Variants in FRMPD1 observed in about 807,000 individuals in gnomAD.
The protein encoded by FRMPD1 is FERM and PDZ domain containing 1.
A neutral mutation model predicts 117.8 loss-of-function variants in FRMPD1; 76 were observed. The observed-to-expected ratio is 0.65, with a 90% confidence interval of 0.54 to 0.78. FRMPD1 has a LOEUF of 0.78. Ranked by LOEUF, FRMPD1 falls within the 30% of genes least tolerant of loss-of-function variation. The pLI is 0.00. For synonymous variants in FRMPD1, 783 were observed against 770.4 expected, an observed-to-expected ratio of 1.02 and a Z score of -0.27; for missense variants, 1,786 against 1,964.5, an observed-to-expected ratio of 0.91 and a Z score of 1.72.
chr9:37,646,814 A>G (rs1224470856), upstream of FRMPD1, among the ~76,000 whole-genome samples: 1 of 152,170 alleles, frequency 6.6e-6, no homozygotes, highest in Non-Finnish European at 1.5e-5. Flanking sequence ...TCTAAGAAGG[A>G]AATTGTATAG....
At chr9:37,695,872 G>A (rs771891732) in intron 2 of FRMPD1, among the ~76,000 whole-genome samples, 6 of 151,904 alleles carry the variant, frequency 3.9e-5, no homozygotes, top group Non-Finnish European at 8.8e-5. Flanking sequence ...TGGACTTTTC[G>A]AAATGTAAAA....
chr9:37,718,293 A>C lies in FRMPD1; in HGVS notation c.409-776A>C, dbSNP rs564986470. The stretch of plus-strand genomic sequence containing the variant: ...CAGAGTTTCATCTTGGTACTTTTAC[A>C]CATGGAAACATTCTAGAGGCTGGTC... On this transcript the variant is annotated intron_variant, in intron 5 of 15. Coordinates refer to ENST00000377765, the MANE Select transcript of FRMPD1 (RefSeq NM_014907.3). Among the ~76,000 whole-genome samples, 4 of 152,332 alleles carry C rather than the reference A, an allele frequency of 2.6e-5. No homozygotes were observed. The South Asian group carries it at 8.3e-4, about 32-fold the overall frequency.
At chr9:37,616,473 T>G in the FRMPD1 span, among the ~76,000 whole-genome samples, 3 of 152,136 alleles carry the variant, frequency 2.0e-5, no homozygotes, top group Non-Finnish European at 4.4e-5. Context: ...GGGCGGGGAT[T>G]GGAGTTGCTT....
At chr9:37,701,520 T>A (rs1305904206) in intron 2 of FRMPD1, among the ~76,000 whole-genome samples, 2 of 146,430 alleles carry the variant, frequency 1.4e-5, no homozygotes. Context: ...CGTGTGTGTG[T>A]GTGTGTGTGT....
chr9:37,639,070 T>C, the FRMPD1 span, among the ~76,000 whole-genome samples: 1 of 152,170 alleles, frequency 6.6e-6, no homozygotes, highest in African/African-American at 2.4e-5. Flanking sequence ...TTAGTAGTTG[T>C]TTGAAAAAAG....
At position 37,740,788 on chromosome 9, in the gene FRMPD1, C is replaced by G. The variant is rs772919393; in HGVS notation, c.2260C>G (p.Leu754Val). The G allele has an allele frequency of 2.5e-6, 4 of 1,613,988 alleles. No individual in the cohort carries two copies. Among genetic ancestry groups the G allele is most frequent in the Non-Finnish European group, 3.4e-6 (4 of 1,179,944 alleles). The stretch of plus-strand genomic sequence containing the variant: ...CCAGCCCAGTTCCATGCTGGAACCC[C>G]TGGCCCTGCACCCACCACTGGCCTT... ...EAQPSSMLEPLALHPPLAFED... is the reference protein window; with the variant it reads ...EAQPSSMLEPVALHPPLAFED... Residue 754 changes from leucine (L) to valine (V), a missense_variant, in exon 15 of 16, where the codon CTG becomes GTG. By Grantham distance (32) the Leu-to-Val change is conservative (BLOSUM62 1). Coordinates refer to ENST00000377765, the MANE Select transcript of FRMPD1 (RefSeq NM_014907.3). The surrounding 1 kb of genome is among the most constrained non-coding windows in gnomAD (Gnocchi z 4.2).
chr9:37,626,622 G>GAAAAAAAAAAAAAATAAAAAA, the FRMPD1 span, among the ~76,000 whole-genome samples: 1 of 48,650 alleles, frequency 2.1e-5, no homozygotes, highest in African/African-American at 9.3e-5. Context: ...CCTGGTATCT[G>GAAAAAAAAAAAAAATAAAAAA]AAAAAAAAAA....
intron 15 of FRMPD1, among the ~76,000 whole-genome samples, chr9:37,741,848 C>T (rs1309246678): frequency 1.3e-5 from 2 of 152,184 alleles, no homozygotes; most frequent in Admixed American, 6.5e-5. Context: ...CTCCCCAGAT[C>T]GTGGCTGATG....
At chr9:37,697,759 C>T (rs1217828494) in intron 2 of FRMPD1, among the ~76,000 whole-genome samples, 2 of 152,162 alleles carry the variant, frequency 1.3e-5, no homozygotes, top group South Asian at 4.1e-4. Flanking sequence ...TTTATAGCTT[C>T]GTATGACTAC....
rs1012460750 is a variant in FRMPD1, at chr9:37,728,657, G to C, written c.613-1071G>C. ...CTCTATTTGGAGAGGAAGTGACTGGGGTTCAAAAGTGTCCCTCAGTTGTGG... is the reference window on the plus strand; with the variant it reads ...CTCTATTTGGAGAGGAAGTGACTGGCGTTCAAAAGTGTCCCTCAGTTGTGG... On this transcript the variant is annotated intron_variant, in intron 7 of 15. Transcript: ENST00000377765. 7.9e-5 allele frequency among the ~76,000 whole-genome samples: 12 copies of C among 152,182 alleles called. 1 individual carries two copies. In the East Asian group the frequency reaches 2.3e-3, roughly 29 times the overall value.
At chr9:37,711,858 G>A (rs1046038287) in intron 5 of FRMPD1, among the ~76,000 whole-genome samples, 1 of 152,224 alleles carries the variant, frequency 6.6e-6, no homozygotes, top group Non-Finnish European at 1.5e-5. Flanking sequence ...ACACGGCAAG[G>A]TGTGGCATAG....
chr9:37,717,135 A>G (rs1588952539), intron 5 of FRMPD1, among the ~76,000 whole-genome samples: 1 of 152,122 alleles, frequency 6.6e-6, no homozygotes, highest in Non-Finnish European at 1.5e-5. Flanking sequence ...AAGGAATACT[A>G]CTATATCCAT....
At chr9:37,623,994 CCAGCGGGAAGACAGGAT>C in the FRMPD1 span, among the ~76,000 whole-genome samples, 18 of 152,114 alleles carry the variant, frequency 1.2e-4, no homozygotes, top group African/African-American at 4.1e-4. Context: ...GTTCGGGGCC[CCAGCGGGAAGACAGGAT>C]CTAGCTGAGG....
At chr9:37,702,215 A>G (rs1224056865) in intron 2 of FRMPD1, among the ~76,000 whole-genome samples, 1 of 152,228 alleles carries the variant, frequency 6.6e-6, no homozygotes, top group Non-Finnish European at 1.5e-5. Context: ...TAATTATATT[A>G]GAGGTACAAC....
chr9:37,707,897 A>T (rs1212527330), intron 3 of FRMPD1, among the ~76,000 whole-genome samples: 1 of 152,230 alleles, frequency 6.6e-6, no homozygotes, highest in Non-Finnish European at 1.5e-5. Flanking sequence ...ACACGCTCCT[A>T]GCTGGGGATA....
At chr9:37,655,360 A>G (rs1820808149) in intron 1 of FRMPD1, among the ~76,000 whole-genome samples, 1 of 152,104 alleles carries the variant, frequency 6.6e-6, no homozygotes, top group Non-Finnish European at 1.5e-5. Context: ...CTCTGATCTC[A>G]TCATGCTCCT....
At chr9:37,738,066 T>C (rs1053905544) in intron 14 of FRMPD1, among the ~76,000 whole-genome samples, 3 of 152,168 alleles carry the variant, frequency 2.0e-5, no homozygotes, top group African/African-American at 7.2e-5. Context: ...GCTGTGCTGA[T>C]AAATGCTTAA....
the FRMPD1 span, among the ~76,000 whole-genome samples, chr9:37,616,420 A>G: frequency 7.2e-5 from 11 of 152,270 alleles, no homozygotes; most frequent in South Asian, 2.3e-3. Context: ...CCCGGCCCAC[A>G]TCTGTTGTTT....
the FRMPD1 span, among the ~76,000 whole-genome samples, chr9:37,609,012 C>A: frequency 6.6e-5 from 10 of 152,292 alleles, no homozygotes; most frequent in African/African-American, 1.9e-4. Context: ...CATCTCAGGC[C>A]GGGCATGGTG....
Sources: allele counts gnomAD v4.1 joint callset (sites outside exome capture counted in the v4.1 genomes callset), GRCh38; gene constraint gnomAD v4.1.1; non-coding constraint Gnocchi (gnomAD v3.1); transcripts MANE v1.5; gene names NCBI Gene and HGNC (gene_info 2026-07-23, HGNC 2026-07-21).